Variants in HPS4 observed in about 807,000 individuals in gnomAD.
HPS4 encodes BLOC-3 complex member HPS4.
Under a neutral mutation model 70.3 loss-of-function variants are expected in HPS4, and 44 were observed. That is an observed-to-expected ratio of 0.63 (90% CI 0.49 to 0.80). The LOEUF (loss-of-function observed/expected upper bound fraction) is 0.80, where lower values mean the gene tolerates loss of function less well. Among genes scored for constraint, HPS4 ranks in the 30% least tolerant of loss-of-function variants. HPS4 has a pLI of 0.00. For missense variants in HPS4, 873 were observed against 884.4 expected (o/e 0.99, Z 0.16); for synonymous variants, 377 against 355.9 (o/e 1.06, Z -0.67).
At chr22:26,468,423 T>A (rs1474207269) in intron 8 of HPS4, 128 bp downstream of exon 8, 1 of 787,144 alleles carries the variant, frequency 1.3e-6, no homozygotes. Flanking sequence ...ATTGGAGGAC[T>A]TGGGGTCCTG....
Position 26,464,015 on chromosome 22 carries a change from C to G in HPS4, c.1615G>C (p.Val539Leu), listed in dbSNP as rs116241923. The G allele has an allele frequency of 6.2e-7, 1 of 1,614,262 alleles. No homozygotes were observed. The highest frequency in any genetic ancestry group is 8.5e-7 in the Non-Finnish European group (1 of 1,180,050). ...LTPAESCMGLVRMNLYTHCVK... is the reference protein window; with the variant it reads ...LTPAESCMGLLRMNLYTHCVK... ...CAGTGAGTGTAGAGATTCATCCTCA[C>G]GAGCCCCATGCAGGACTCTGCTGGT... Residue 539 changes from valine (V) to leucine (L), a missense_variant, in exon 11 of 14, where the codon GTG (valine) becomes CTG (leucine). By Grantham distance (32) the Val-to-Leu change is conservative. Transcript: ENST00000398145.
At chr22:26,448,441 C>G (rs2085027984), downstream of HPS4, among the ~76,000 whole-genome samples, 1 of 152,232 alleles carries the variant, frequency 6.6e-6, no homozygotes, top group Non-Finnish European at 1.5e-5. Context: ...GCCAGTCCAG[C>G]CTGGGTGGGG....
chr22:26,466,199 G>A lies in HPS4; in HGVS notation c.706+27C>T, dbSNP rs1226795986. The A allele has an allele frequency of 1.9e-6, 3 of 1,614,076 alleles. No individual in the cohort carries two copies. In the Admixed American group the frequency reaches 5.0e-5, roughly 27 times the overall value. On this transcript the variant is annotated intron_variant, in intron 9 of 13. Transcript: ENST00000398145. Reference sequence around the variant, plus strand: ...TAGCATAAAAGACCGCCGTTCTCAAGAGGCAACCATGCGCCTCACTACTTA... The same window carrying A: ...TAGCATAAAAGACCGCCGTTCTCAAAAGGCAACCATGCGCCTCACTACTTA...
chr22:26,483,789 A>C (rs1385408604), upstream of HPS4: 10 of 879,202 alleles, frequency 1.1e-5, no homozygotes, highest in African/African-American at 5.4e-5. Context: ...GAGAGGCCTT[A>C]GGTCACGCGC....
At chr22:26,462,463 T>C (rs2087500433) in intron 11 of HPS4, among the ~76,000 whole-genome samples, 1 of 152,194 alleles carries the variant, frequency 6.6e-6, no homozygotes, top group Non-Finnish European at 1.5e-5. Flanking sequence ...AATGAGGCTG[T>C]TTTCTTACTG....
intron 9 of HPS4, 182 bp from the exon 10 acceptor site, chr22:26,465,733 GAA>G (rs2088450241): frequency 1.6e-5 from 10 of 615,660 alleles, no homozygotes; most frequent in Non-Finnish European, 2.9e-5. Flanking sequence ...GCCCAGTAAG[GAA>G]AGAGTCCCTG....
At chr22:26,472,512 C>A (rs909698307) in intron 5 of HPS4, 94 bp from the exon 6 acceptor site, 2 of 879,562 alleles carry the variant, frequency 2.3e-6, no homozygotes, top group Non-Finnish European at 3.9e-6. Flanking sequence ...GTTCCTCACA[C>A]AGGAAACTGA....
Position 26,481,948 on chromosome 22 carries a change from T to G in HPS4, c.-186A>C. 1 of 639,290 alleles carries G rather than the reference T, an allele frequency of 1.6e-6. No individual in the cohort carries two copies. Among genetic ancestry groups the G allele is most frequent in the South Asian group, 1.8e-5 (1 of 56,828 alleles). The allele number at this position is 639,290 out of a possible 1,614,324, so 39.6% of individuals were successfully genotyped here. ...TCAGCATGGAAAGTTCCACTTCCCT[T>G]CCTTGCAGGTTCTTCAGTTTCATGT... On this transcript the variant is annotated 5_prime_UTR_variant, in exon 2 of 14. Transcript: ENST00000398145.
intron 7 of HPS4, among the ~76,000 whole-genome samples, chr22:26,470,196 A>G (rs2089555629): frequency 6.6e-6 from 1 of 152,242 alleles, no homozygotes; most frequent in Non-Finnish European, 1.5e-5. Context: ...CAGATTCACC[A>G]AGAAGCCCTC....
rs957598500 is a variant in HPS4 at position 26,468,347 on chromosome 22, C to A, written c.669+204G>T. On this transcript the variant is annotated intron_variant, in intron 8 of 13. Transcript: ENST00000398145. The stretch of plus-strand genomic sequence containing the variant: ...TTTGAAGAAAAAACAACTATCCAGG[C>A]CTAGCTCGTGGAAGAAAACATTTTC... The A allele has an allele frequency of 1.3e-5, 8 of 615,786 alleles. No individual in the cohort carries two copies. The African/African-American group carries it at 1.5e-4, about 11-fold the overall frequency. 38.1% of individuals were successfully genotyped at this position (615,786 alleles called of 1,614,324 possible).
At chr22:26,466,158 C>G in intron 9 of HPS4, 68 bp downstream of exon 9, 1 of 1,611,754 alleles carries the variant, frequency 6.2e-7, no homozygotes, top group Non-Finnish European at 8.5e-7. Flanking sequence ...CTTCGCATAA[C>G]TTGTACAGGG....
At position 26,472,201 on chromosome 22, in the gene HPS4, C is replaced by T. The variant is rs192681775; in HGVS notation, c.501+101G>A. 7.7e-4 allele frequency: 636 copies of T among 824,692 alleles called. 2 individuals are homozygous for T. The highest frequency in any genetic ancestry group is 1.2e-3 in the Non-Finnish European group (557 of 465,014). 51.1% of individuals were successfully genotyped at this position (824,692 alleles called of 1,614,324 possible). On this transcript the variant is annotated intron_variant, in intron 6 of 13. Transcript: ENST00000398145. ...ATGGCCCTGCCTGAGAAGTGACATTCTACTCACTTTTCCAGATATAGTTCA... is the reference window on the plus strand; with the variant it reads ...ATGGCCCTGCCTGAGAAGTGACATTTTACTCACTTTTCCAGATATAGTTCA...
chr22:26,447,521 T>G (rs2084994135), downstream of HPS4, among the ~76,000 whole-genome samples: 1 of 152,168 alleles, frequency 6.6e-6, no homozygotes, highest in Non-Finnish European at 1.5e-5. Context: ...TGTCGTGGTC[T>G]GGGTGGATGG....
At chr22:26,466,324 T>A in intron 8 of HPS4, 62 bp from the exon 9 acceptor site, 1 of 1,582,346 alleles carries the variant, frequency 6.3e-7, no homozygotes, top group Non-Finnish European at 8.7e-7. Flanking sequence ...GACCTAACCA[T>A]CAGGAATTTG....
At chr22:26,460,118 T>C (rs78356161) in intron 11 of HPS4, among the ~76,000 whole-genome samples, 2,952 of 152,322 alleles carry the variant, frequency 0.019, 76 homozygotes, top group African/African-American at 0.068. Context: ...ATGCGCTCAG[T>C]TTTGTATCCT....
Position 26,463,981 on chromosome 22 carries a change from C to T in HPS4, c.1649G>A (p.Gly550Glu). 1 of 1,614,250 alleles carries T rather than the reference C, an allele frequency of 6.2e-7. No homozygotes were observed. Among genetic ancestry groups the T allele is most frequent in the Non-Finnish European group, 8.5e-7 (1 of 1,180,052 alleles). ...RMNLYTHCVK[G>E]LVLSLLAEEP... Reference sequence around the variant, plus strand: ...CTCAGCCAGCAGGGACAGCACCAGCCCTTTGACGCAGTGAGTGTAGAGATT... The same window carrying T: ...CTCAGCCAGCAGGGACAGCACCAGCTCTTTGACGCAGTGAGTGTAGAGATT... Residue 550 changes from glycine to glutamate, a missense_variant, in exon 11 of 14, where the codon GGG becomes GAG. Physicochemically the swap from Gly to Glu is moderately conservative, Grantham distance 98. Coordinates refer to ENST00000398145, the MANE Select transcript of HPS4 (RefSeq NM_022081.6).
intron 3 of HPS4, among the ~76,000 whole-genome samples, chr22:26,478,891 C>T (rs2090955684): frequency 6.6e-6 from 1 of 152,036 alleles, no homozygotes; most frequent in South Asian, 2.1e-4. Context: ...ATCATGCTGG[C>T]CAGGCTGGTC....
chr22:26,446,975 C>G (rs112390186), downstream of HPS4, among the ~76,000 whole-genome samples: 1,279 of 152,348 alleles, frequency 8.4e-3, 8 homozygotes, highest in Middle Eastern at 0.017. Context: ...ATCAGCCTGC[C>G]TCTGCCCCGC....
chr22:26,475,040 T>C (rs2090341035), intron 4 of HPS4, among the ~76,000 whole-genome samples: 1 of 152,208 alleles, frequency 6.6e-6, no homozygotes, highest in South Asian at 2.1e-4. Flanking sequence ...AAATCCAACA[T>C]ACACCTACTC....
Sources: allele counts gnomAD v4.1 joint callset (sites outside exome capture counted in the v4.1 genomes callset), GRCh38; gene constraint gnomAD v4.1.1; transcripts MANE v1.5; gene names NCBI Gene and HGNC (gene_info 2026-07-23, HGNC 2026-07-21).